The following STXBP5 variants were observed in gnomAD, a reference collection of about 807,000 sequenced individuals.
STXBP5 encodes syntaxin-binding protein 5.
A neutral mutation model predicts 152.4 loss-of-function variants in STXBP5; 50 were observed. The observed-to-expected ratio is 0.33, with a 90% CI of 0.26 to 0.42. The LOEUF is 0.42. Ranked by LOEUF, STXBP5 falls within the 10% of genes least tolerant of loss-of-function variation. STXBP5 has a pLI of 1.00. For synonymous variants in STXBP5, 492 were observed against 494.7 expected, an observed-to-expected ratio of 0.99 and a Z score of 0.07; for missense variants, 1,167 against 1,388.6, an observed-to-expected ratio of 0.84 and a Z score of 2.54.
intron 2 of STXBP5, among the ~76,000 whole-genome samples, chr6:147,223,769 G>C (rs1351662793): frequency 3.9e-5 from 6 of 152,162 alleles, no homozygotes; most frequent in Admixed American, 3.9e-4. Flanking sequence ...GGATGCTTGT[G>C]ATATAGAGCC....
rs528805857 is a variant in STXBP5 at position 147,372,049 on chromosome 6, G to T, written c.3082-1682G>T. On this transcript the variant is annotated intron_variant, in intron 25 of 27. Coordinates refer to ENST00000321680, the MANE Select transcript of STXBP5 (RefSeq NM_001127715.4). The stretch of plus-strand genomic sequence containing the variant: ...ATAATAGACATCAGTATATTCTATA[G>T]TGGGTTTTAACAAGTTTGATTTATT... Among the ~76,000 whole-genome samples, 5 of 152,222 alleles carry T rather than the reference G, an allele frequency of 3.3e-5. No homozygotes were observed. In the East Asian group the frequency reaches 9.6e-4, roughly 29 times the overall value.
At chr6:147,239,982 G>A (rs1285000394) in intron 4 of STXBP5, among the ~76,000 whole-genome samples, 15 of 147,896 alleles carry the variant, frequency 1.0e-4, no homozygotes, top group African/African-American at 2.5e-4. Context: ...TTGCTCTGTC[G>A]CCCAGGCTGG....
At chr6:147,358,852 T>C (rs1784929916) in intron 22 of STXBP5, among the ~76,000 whole-genome samples, 1 of 151,658 alleles carries the variant, frequency 6.6e-6, no homozygotes, top group Non-Finnish European at 1.5e-5. Flanking sequence ...GAGGGAGGGG[T>C]TGGTCTTGCT....
intron 2 of STXBP5, among the ~76,000 whole-genome samples, chr6:147,234,099 A>G (rs1038084246): frequency 6.6e-6 from 1 of 151,744 alleles, no homozygotes; most frequent in African/African-American, 2.4e-5. Flanking sequence ...CAATTTTTTC[A>G]TTAAGAACTT....
At chr6:147,326,727 C>T (rs1414969319) in intron 17 of STXBP5, among the ~76,000 whole-genome samples, 2 of 152,220 alleles carry the variant, frequency 1.3e-5, no homozygotes, top group East Asian at 1.9e-4. Context: ...TGAATGATTA[C>T]CAAAACTTAC....
intron 3 of STXBP5, among the ~76,000 whole-genome samples, chr6:147,237,128 G>C (rs1360739755): frequency 6.6e-6 from 1 of 152,000 alleles, no homozygotes; most frequent in Non-Finnish European, 1.5e-5. Flanking sequence ...CAACATTTGA[G>C]CCAATGTTAA....
At chr6:147,248,942 A>T (rs1582839766) in intron 4 of STXBP5, among the ~76,000 whole-genome samples, 1 of 152,248 alleles carries the variant, frequency 6.6e-6, no homozygotes, top group South Asian at 2.1e-4. Context: ...GGCTTCGAAG[A>T]TGGAGGGGGC....
Position 147,314,573 on chromosome 6 carries a change from A to G in STXBP5, c.1362-23A>G, listed in dbSNP as rs146162057. On this transcript the variant is annotated intron_variant, in intron 13 of 27. Transcript: ENST00000321680. ...GAAGAACTGTAATTTTATTCATCAC[A>G]TTCTTAACATTGCTTTTCTTAGGCA... is the stretch of plus-strand genomic sequence containing the variant. 4.4e-3 allele frequency: 7,092 copies of G among 1,605,614 alleles called. 26 individuals are homozygous for G. Among genetic ancestry groups the G allele is most frequent in the Middle Eastern group, 7.8e-3 (47 of 6,000 alleles).
chr6:147,277,237 G>A (rs1160905419), intron 7 of STXBP5, among the ~76,000 whole-genome samples: 2 of 152,032 alleles, frequency 1.3e-5, no homozygotes, highest in African/African-American at 2.4e-5. Context: ...GATAGAAAAT[G>A]TTGGCTTTAT....
At chr6:147,262,638 T>A (rs910416485) in intron 6 of STXBP5, among the ~76,000 whole-genome samples, 1 of 151,956 alleles carries the variant, frequency 6.6e-6, no homozygotes, top group Non-Finnish European at 1.5e-5. Context: ...TTTCCCTGAT[T>A]TTCTGTTAAT....
chr6:147,211,564 T>C (rs1018788115), intron 2 of STXBP5, among the ~76,000 whole-genome samples: 1 of 151,970 alleles, frequency 6.6e-6, no homozygotes, highest in Non-Finnish European at 1.5e-5. Context: ...AGTAAAATAA[T>C]TAGTTTAGAA....
intron 2 of STXBP5, among the ~76,000 whole-genome samples, chr6:147,213,477 T>TGTGTGTGCGCGC: frequency 3.0e-4 from 40 of 131,320 alleles, no homozygotes; most frequent in South Asian, 2.1e-3. Flanking sequence ...TGTGTGTGTG[T>TGTGTGTGCGCGC]GCGCGCGCAT....
chr6:147,297,561 A>G (rs2582929), intron 9 of STXBP5, among the ~76,000 whole-genome samples: 2 of 151,790 alleles, frequency 1.3e-5, no homozygotes, highest in African/African-American at 4.8e-5. Flanking sequence ...TCGTAATACT[A>G]CAATACTATG....
intron 23 of STXBP5, among the ~76,000 whole-genome samples, chr6:147,362,700 G>A (rs987206128): frequency 6.6e-6 from 1 of 152,038 alleles, no homozygotes; most frequent in Non-Finnish European, 1.5e-5. Context: ...AAATGTTCTA[G>A]CAGTCACATT....
intron 2 of STXBP5, among the ~76,000 whole-genome samples, chr6:147,233,040 C>T (rs549897239): frequency 2.1e-4 from 32 of 151,918 alleles, no homozygotes; most frequent in African/African-American, 7.7e-4. Flanking sequence ...TACCAAGAAT[C>T]AGTTTTTCTG....
At chr6:147,235,151 A>C in intron 2 of STXBP5, 99 bp from the exon 3 acceptor site, 1 of 974,974 alleles carries the variant, frequency 1.0e-6, no homozygotes, top group Non-Finnish European at 1.6e-6. Flanking sequence ...GCCTGTATTG[A>C]ATATGAGGTC....
chr6:147,241,746 G>T (rs911947714), intron 4 of STXBP5, among the ~76,000 whole-genome samples: 1 of 151,462 alleles, frequency 6.6e-6, no homozygotes, highest in Non-Finnish European at 1.5e-5. Flanking sequence ...ATAGATTAGG[G>T]ATGTTATAGC....
intron 8 of STXBP5, among the ~76,000 whole-genome samples, chr6:147,286,294 C>G (rs946949763): frequency 2.0e-5 from 3 of 152,068 alleles, no homozygotes; most frequent in Non-Finnish European, 4.4e-5. Flanking sequence ...ACCATTTCTT[C>G]ATAAGGAGGG....
chr6:147,234,045 G>A (rs1180877646), intron 2 of STXBP5, among the ~76,000 whole-genome samples: 5 of 151,428 alleles, frequency 3.3e-5, no homozygotes, highest in African/African-American at 1.2e-4. Context: ...TTTCTAGAAA[G>A]CCAAAGGAAG....
Sources: gnomAD v4.1 joint callset for allele counts (sites outside exome capture counted in the v4.1 genomes callset) on GRCh38, gnomAD v4.1.1 for gene constraint, MANE v1.5 for transcripts, NCBI Gene and HGNC (gene_info 2026-07-23, HGNC 2026-07-21) for gene names.